Variants in CBR4 observed in about 807,000 individuals in gnomAD.
CBR4 encodes the protein 3-oxoacyl-[acyl-carrier-protein] reductase.
Under a neutral mutation model 21.0 loss-of-function variants are expected in CBR4, and 22 were observed. That is an observed-to-expected ratio of 1.05 (90% CI 0.75 to 1.50). The LOEUF is 1.50. CBR4 is among the 40% of genes most tolerant of loss of function. The pLI is 0.00. For missense variants in CBR4, 302 were observed against 286.3 expected, an observed-to-expected ratio of 1.05 and a Z score of -0.40; for synonymous variants, 100 against 104.4, an observed-to-expected ratio of 0.96 and a Z score of 0.26.
Position 168,989,452 on chromosome 4 carries a change from A to G in CBR4, c.*698T>C. Reference sequence around the variant, plus strand: ...TGCTCAATCAAGAGAAATACCACTCAAAGAAATCAATTCTAAATTCATGTC... The same window carrying G: ...TGCTCAATCAAGAGAAATACCACTCGAAGAAATCAATTCTAAATTCATGTC... On this transcript the variant is annotated 3_prime_UTR_variant, in exon 5 of 5. Coordinates refer to ENST00000306193, the MANE Select transcript of CBR4 (RefSeq NM_032783.5). 1.0e-6 allele frequency: 1 copy of G among 985,452 alleles called. No individual in the cohort carries two copies. The highest frequency in any genetic ancestry group is 1.2e-6 in the Non-Finnish European group (1 of 829,914). The allele number at this position is 985,452 out of a possible 1,614,324, so 61.0% of individuals were successfully genotyped here. A position where few individuals can be genotyped will look rare whatever the true frequency, so the allele number is the denominator to read the frequency against.
At chr4:168,993,662 T>C (rs1765035555) in intron 4 of CBR4, among the ~76,000 whole-genome samples, 1 of 152,234 alleles carries the variant, frequency 6.6e-6, no homozygotes, top group Admixed American at 6.5e-5. Context: ...TCCTTTAAGT[T>C]CTTTTCAAAC....
intron 2 of CBR4, among the ~76,000 whole-genome samples, chr4:168,934,084 A>T (rs1408793076): frequency 6.6e-6 from 1 of 152,040 alleles, no homozygotes; most frequent in Non-Finnish European, 1.5e-5. Flanking sequence ...TAACCGAATG[A>T]TTCATCTTAA....
chr4:169,008,669 G>A (rs1412864877), intron 1 of CBR4, among the ~76,000 whole-genome samples: 1 of 152,114 alleles, frequency 6.6e-6, no homozygotes, highest in Non-Finnish European at 1.5e-5. Context: ...GTTTTCACCC[G>A]AAGACTTGTG....
downstream of CBR4, among the ~76,000 whole-genome samples, chr4:168,987,246 G>A (rs1019260896): frequency 6.6e-6 from 1 of 152,106 alleles, no homozygotes; most frequent in Non-Finnish European, 1.5e-5. Flanking sequence ...CATCAAAGTC[G>A]CATAAAAAGC....
rs1189442381 is a variant in CBR4, at chr4:168,929,413, A to T, written n.170-34648T>A. Among the ~76,000 whole-genome samples the T allele has an allele frequency of 5.3e-5, 8 of 152,194 alleles. No homozygotes were observed. In the East Asian group the frequency reaches 1.5e-3, roughly 29 times the overall value. ...CATTTGAATTAGACTAGAATTGTGT[A>T]TTTCACATTGTCTTCTATACCCCAT... is the stretch of plus-strand genomic sequence containing the variant. On this transcript the variant is annotated intron_variant and non_coding_transcript_variant, in intron 2 of 3. Coordinates refer to the CBR4 transcript ENST00000509108.
At chr4:168,917,959 G>T (rs930862775) in intron 2 of CBR4, among the ~76,000 whole-genome samples, 1 of 152,130 alleles carries the variant, frequency 6.6e-6, no homozygotes, top group African/African-American at 2.4e-5. Flanking sequence ...CCAGCACTTT[G>T]GGAGGCTGAG....
intron 2 of CBR4, chr4:168,898,615 A>C (rs753607867): frequency 6.2e-7 from 1 of 1,614,002 alleles, no homozygotes; most frequent in Admixed American, 1.7e-5. Context: ...TGGAAAATGG[A>C]ATGGCACCAT....
chr4:168,964,265 T>C (rs1189348202), intron 2 of CBR4, among the ~76,000 whole-genome samples: 1 of 152,158 alleles, frequency 6.6e-6, no homozygotes, highest in Non-Finnish European at 1.5e-5. Flanking sequence ...AAGGTCTGAG[T>C]ATGCATATGT....
intron 2 of CBR4, chr4:168,898,437 C>A: frequency 9.1e-7 from 1 of 1,097,126 alleles, no homozygotes; most frequent in African/African-American, 1.5e-5. Flanking sequence ...CAGGGAGAGA[C>A]GTGACACTTT....
At chr4:168,941,722 G>C (rs930104826) in intron 2 of CBR4, among the ~76,000 whole-genome samples, 3 of 152,166 alleles carry the variant, frequency 2.0e-5, no homozygotes, top group African/African-American at 7.2e-5. Context: ...AGTCGCCCCA[G>C]CATCTGTTGT....
chr4:168,926,280 A>G lies in CBR4; in HGVS notation n.170-31515T>C, dbSNP rs754444061. The G allele has an allele frequency of 9.1e-6, 14 of 1,537,130 alleles. No homozygotes were observed. In the South Asian group the frequency reaches 1.5e-4, roughly 17 times the overall value. On this transcript the variant is annotated intron_variant and non_coding_transcript_variant, in intron 2 of 3. Transcript: ENST00000509108. Reference sequence around the variant, plus strand: ...TACGGCCCTCAGCCAGTCGCTATGCAGCACTTTCGGACCAGGGACTAGACA... The same window carrying G: ...TACGGCCCTCAGCCAGTCGCTATGCGGCACTTTCGGACCAGGGACTAGACA...
chr4:168,967,213 T>A (rs1419421577), intron 2 of CBR4, among the ~76,000 whole-genome samples: 1 of 152,088 alleles, frequency 6.6e-6, no homozygotes, highest in Non-Finnish European at 1.5e-5. Context: ...GCAGGGACAT[T>A]GATGAAGCTG....
At chr4:168,939,494 G>C (rs1257058814) in intron 2 of CBR4, among the ~76,000 whole-genome samples, 3 of 152,178 alleles carry the variant, frequency 2.0e-5, no homozygotes, top group Non-Finnish European at 4.4e-5. Context: ...AATAGGAAGA[G>C]AGGAAGTCAA....
chr4:168,899,398 A>T (rs1409444120), intron 2 of CBR4, among the ~76,000 whole-genome samples: 1 of 151,924 alleles, frequency 6.6e-6, no homozygotes, highest in Non-Finnish European at 1.5e-5. Flanking sequence ...TGAAAAGAAT[A>T]AAAAAAAGGG....
At chr4:168,914,055 T>C (rs758829687) in intron 2 of CBR4, 5 of 1,173,536 alleles carry the variant, frequency 4.3e-6, no homozygotes, top group East Asian at 4.7e-5. Flanking sequence ...AAGTGTTACA[T>C]TATTTTATTT....
chr4:168,895,703 T>C lies in CBR4; in HGVS notation n.170-938A>G, dbSNP rs1754982300. ...GGTTGGTCTTGCTTATCTCAGGGGT[T>C]GCAGAAGCGGAAGAAAATCCATATA... On this transcript the variant is annotated intron_variant and non_coding_transcript_variant, in intron 2 of 3. Transcript: ENST00000509108. Among the ~76,000 whole-genome samples the C allele has an allele frequency of 3.9e-5, 6 of 152,346 alleles. No individual in the cohort carries two copies. The South Asian group carries it at 1.2e-3, about 32-fold the overall frequency.
chr4:168,991,077 A>T (rs1764900427), intron 4 of CBR4, among the ~76,000 whole-genome samples: 1 of 152,066 alleles, frequency 6.6e-6, no homozygotes, highest in Admixed American at 6.6e-5. Context: ...ACAAAACAAA[A>T]TAGTTTTGTT....
chr4:168,943,018 G>T (rs1246692128), intron 2 of CBR4, among the ~76,000 whole-genome samples: 1 of 152,138 alleles, frequency 6.6e-6, no homozygotes, highest in Non-Finnish European at 1.5e-5. Context: ...ACTGTTGGTG[G>T]GAATGTAGAC....
intron 1 of CBR4, chr4:169,009,095 G>C (rs914345704): frequency 2.3e-5 from 10 of 441,068 alleles, no homozygotes; most frequent in African/African-American, 2.1e-4. Context: ...CACAAAAACA[G>C]TAAGAGCCAC....
Sources: gnomAD v4.1 joint callset for allele counts (sites outside exome capture counted in the v4.1 genomes callset) on GRCh38, gnomAD v4.1.1 for gene constraint, MANE v1.5 for transcripts, NCBI Gene and HGNC (gene_info 2026-07-23, HGNC 2026-07-21) for gene names.